The following MYO5A variants were observed in gnomAD, a reference collection of about 807,000 sequenced individuals.
The protein encoded by MYO5A is myosin VA, also known as unconventional myosin-Va.
A neutral mutation model predicts 249.7 loss-of-function variants in MYO5A; 98 were observed. That is an observed-to-expected ratio of 0.39 (90% CI 0.33 to 0.46). The LOEUF (loss-of-function observed/expected upper bound fraction) is 0.46. MYO5A is among the 20% of genes least tolerant of loss of function. The pLI, the probability that MYO5A is intolerant of heterozygous loss-of-function variation, is 0.98. For synonymous variants in MYO5A, 778 were observed against 810.6 expected (o/e 0.96, Z 0.68); for missense variants, 1,696 against 2,308.8 (o/e 0.73, Z 5.44).
At position 52,428,392 on chromosome 15, in the gene MYO5A, A is replaced by G. The variant is rs1476426812; in HGVS notation, c.310+6T>C. ...ACAGTCTATTCGGAAAGCAAAGCATACTTACCACAATACGTATAAATAAGT... is the reference window on the plus strand; with the variant it reads ...ACAGTCTATTCGGAAAGCAAAGCATGCTTACCACAATACGTATAAATAAGT... On this transcript the variant is annotated splice_donor_region_variant and intron_variant, in intron 3 of 41. Transcript: ENST00000399233. 1 of 1,612,764 alleles carries G rather than the reference A, an allele frequency of 6.2e-7. No homozygotes were observed. The highest frequency in any genetic ancestry group is 1.7e-5 in the Admixed American group (1 of 60,024).
At position 52,331,666 on chromosome 15, in the gene MYO5A, A is replaced by G. The variant is rs7164872; in HGVS notation, c.4409-1167T>C. ...GGGTTAGTTCTGAGAAGCCAGTCCC[A>G]CAGGAAGAGGTTATCACAGAGAACA... On this transcript the variant is annotated intron_variant, in intron 34 of 41. Coordinates refer to ENST00000399233, the MANE Select transcript of MYO5A (RefSeq NM_001382347.1). 0.025 allele frequency: 24,424 copies of G among 985,258 alleles called. 3,430 individuals are homozygous for G. The African/African-American group carries it at 0.34, about 14-fold the overall frequency. 61.0% of individuals were successfully genotyped at this position (985,258 alleles called of 1,614,324 possible).
chr15:52,499,001 T>G (rs1232815491), intron 1 of MYO5A, among the ~76,000 whole-genome samples: 1 of 152,238 alleles, frequency 6.6e-6, no homozygotes, highest in Non-Finnish European at 1.5e-5. Flanking sequence ...ATTTAAGATT[T>G]TTAAAAACTA....
chr15:52,326,906 GCTCA>G (rs370038008), intron 36 of MYO5A, among the ~76,000 whole-genome samples: 33 of 152,264 alleles, frequency 2.2e-4, no homozygotes, highest in African/African-American at 7.5e-4. Context: ...CTAAGCCTGT[GCTCA>G]CTGTTTCTCT....
intron 5 of MYO5A, among the ~76,000 whole-genome samples, chr15:52,412,252 T>A (rs915529629): frequency 6.6e-6 from 1 of 152,178 alleles, no homozygotes; most frequent in Admixed American, 6.5e-5. Flanking sequence ...CCTCAACTCT[T>A]ACCCCACCTT....
At chr15:52,528,488 A>G (rs2077765355) in intron 1 of MYO5A, among the ~76,000 whole-genome samples, 1 of 151,978 alleles carries the variant, frequency 6.6e-6, no homozygotes, top group African/African-American at 2.4e-5. Context: ...CTAAATCCAC[A>G]TGGGCCCCCT....
chr15:52,340,166 G>A, intron 32 of MYO5A, 30 bp downstream of exon 32: 1 of 1,612,788 alleles, frequency 6.2e-7, no homozygotes, highest in Non-Finnish European at 8.5e-7. Flanking sequence ...GCTAGGTTAA[G>A]AAGCATGTGG....
At chr15:52,488,556 A>G (rs1382086228) in intron 1 of MYO5A, among the ~76,000 whole-genome samples, 1 of 152,240 alleles carries the variant, frequency 6.6e-6, no homozygotes, top group East Asian at 1.9e-4. Flanking sequence ...ACTCTACCAT[A>G]AAGTACATAG....
chr15:52,357,207 A>G (rs1214049552), intron 25 of MYO5A, among the ~76,000 whole-genome samples: 2 of 152,120 alleles, frequency 1.3e-5, no homozygotes, highest in South Asian at 2.1e-4. Context: ...CAATGTAAAC[A>G]TTCCATATTA....
At chr15:52,369,892 TAA>T (rs2041015367) in intron 22 of MYO5A, among the ~76,000 whole-genome samples, 1 of 111,588 alleles carries the variant, frequency 9.0e-6, no homozygotes, top group African/African-American at 3.0e-5. Flanking sequence ...TTTTTTTTTT[TAA>T]TATACAAGTG....
intron 22 of MYO5A, among the ~76,000 whole-genome samples, chr15:52,369,052 T>C (rs182556373): frequency 1.3e-5 from 2 of 152,322 alleles, no homozygotes; most frequent in East Asian, 3.9e-4. Context: ...AACAACATTA[T>C]ATAAAACAGA....
rs550303165 is a variant in MYO5A at position 52,323,214 on chromosome 15, T to A, written c.4800+141A>T. On this transcript the variant is annotated intron_variant, in intron 37 of 41. Coordinates refer to ENST00000399233, the MANE Select transcript of MYO5A (RefSeq NM_001382347.1). ...ATCACTGCTTCATAGATAGTGAACA[T>A]CAAACAAAGCAAGAACTTCCAAGCC... 215 of 689,032 alleles carry A rather than the reference T, an allele frequency of 3.1e-4. No individual in the cohort carries two copies. In the African/African-American group the frequency reaches 3.6e-3, roughly 12 times the overall value. 42.7% of individuals were successfully genotyped at this position (689,032 alleles called of 1,614,324 possible).
chr15:52,321,219 C>G, intron 38 of MYO5A, 140 bp downstream of exon 38: 1 of 1,073,120 alleles, frequency 9.3e-7, no homozygotes, highest in Non-Finnish European at 1.4e-6. Flanking sequence ...TGGGATTCCT[C>G]GGCTAATTTT....
intron 1 of MYO5A, among the ~76,000 whole-genome samples, chr15:52,518,690 T>A (rs2077548536): frequency 6.6e-6 from 1 of 152,238 alleles, no homozygotes; most frequent in South Asian, 2.1e-4. Context: ...GTCATCTTAC[T>A]GTAATGCAGA....
chr15:52,336,706 G>T, intron 33 of MYO5A, 150 bp from the exon 34 acceptor site: 1 of 653,592 alleles, frequency 1.5e-6, no homozygotes, highest in Non-Finnish European at 2.7e-6. Context: ...AAATTGGCAG[G>T]CATGGGAAAT....
At chr15:52,429,361 C>T (rs1196355193) in intron 2 of MYO5A, among the ~76,000 whole-genome samples, 4 of 151,896 alleles carry the variant, frequency 2.6e-5, no homozygotes, top group African/African-American at 9.7e-5. Context: ...CGAGACCAGC[C>T]TGGCCAACAT....
chr15:52,356,484 C>G (rs2040225194), intron 25 of MYO5A, among the ~76,000 whole-genome samples: 1 of 151,292 alleles, frequency 6.6e-6, no homozygotes, highest in African/African-American at 2.4e-5. Context: ...GCATTGTTTC[C>G]CAAATTTATA....
chr15:52,400,973 A>C (rs2042727287), intron 9 of MYO5A, among the ~76,000 whole-genome samples: 1 of 151,636 alleles, frequency 6.6e-6, no homozygotes, highest in South Asian at 2.1e-4. Context: ...TGCATCTTAG[A>C]TCTTCTAACT....
At chr15:52,361,708 G>A (rs550036053) in intron 24 of MYO5A, among the ~76,000 whole-genome samples, 247 of 152,328 alleles carry the variant, frequency 1.6e-3, no homozygotes, top group African/African-American at 5.7e-3. Context: ...ATTGTTAGGA[G>A]ATTGCAGTGA....
chr15:52,324,392 T>C (rs2038495628), intron 36 of MYO5A, among the ~76,000 whole-genome samples: 1 of 152,248 alleles, frequency 6.6e-6, no homozygotes, highest in African/African-American at 2.4e-5. Context: ...GCAGACATAC[T>C]TGGAAGGACT....
Sources: allele counts gnomAD v4.1 joint callset (sites outside exome capture counted in the v4.1 genomes callset), GRCh38; gene constraint gnomAD v4.1.1; transcripts MANE v1.5; gene names NCBI Gene and HGNC (gene_info 2026-07-23, HGNC 2026-07-21).